Variants in CELSR1 observed in about 807,000 individuals in gnomAD.
CELSR1 encodes adhesion G protein-coupled receptor C1.
CELSR1 carries 110 observed loss-of-function variants against 249.1 expected under a neutral mutation model. That is an observed-to-expected ratio of 0.44 (90% CI 0.38 to 0.52). The LOEUF is 0.52. Among genes scored for constraint, CELSR1 ranks in the 20% least tolerant of loss-of-function variants. The probability of loss-of-function intolerance (pLI) is 0.00; values close to 1 mark genes in which losing one functional copy is unlikely to be tolerated. For missense variants in CELSR1, 4,109 were observed against 4,296.4 expected (o/e 0.96, Z 1.22); for synonymous variants, 2,113 against 1,900.0 (o/e 1.11, Z -2.92).
In CELSR1 at chr22:46,409,075, C is replaced by T. The variant is rs781589579; in HGVS notation, c.5147G>A (p.Gly1716Glu). The T allele has an allele frequency of 6.2e-7, 1 of 1,612,688 alleles. No homozygotes were observed. The highest frequency in any genetic ancestry group is 1.7e-5 in the Admixed American group (1 of 59,950). The change falls in exon 9 of 35, where the codon GGG (glycine) becomes GAG (glutamate). Residue 1716 changes from glycine (G) to glutamate (E), a missense_variant. Gly to Glu is a moderately conservative substitution (Grantham distance 98). This residue lies in a region of CELSR1 where 16 missense variants were observed against 40.1 expected (regional missense o/e 0.40). Transcript: ENST00000674500. This position sits in a 1 kb window ranked among gnomAD's most constrained non-coding sequence, Gnocchi z 9.8. ...NIIISVPWYL[G>E]LMFRTRKEDS... is the part of the protein sequence containing the mutation. Reference sequence around the variant, plus strand: ...CTCCTTCCGGGTCCGGAACATGAGCCCCAGGTACCAGGGCACAGAGATGAT... The same window carrying T: ...CTCCTTCCGGGTCCGGAACATGAGCTCCAGGTACCAGGGCACAGAGATGAT...
intron 18 of CELSR1, among the ~76,000 whole-genome samples, chr22:46,387,831 C>A (rs1052569908): frequency 2.0e-5 from 3 of 152,126 alleles, no homozygotes; most frequent in Non-Finnish European, 4.4e-5. Context: ...TGTGGCGATG[C>A]CCCTGGTTAT....
intron 13 of CELSR1, 109 bp from the exon 14 acceptor site, chr22:46,394,371 G>C (rs554284254): frequency 1.5e-6 from 2 of 1,337,366 alleles, no homozygotes; most frequent in Admixed American, 4.7e-5. Flanking sequence ...GCCTGGCTGG[G>C]TCCAGCTCTG....
intron 2 of CELSR1, among the ~76,000 whole-genome samples, chr22:46,450,316 C>T (rs553118689): frequency 1.5e-4 from 23 of 152,386 alleles, no homozygotes; most frequent in Middle Eastern, 6.8e-3. Context: ...CCCTGCAAGG[C>T]AGGCTGACAT....
In CELSR1 at chr22:46,407,680, G is replaced by A. The variant is rs2079281620; in HGVS notation, c.5226+1316C>T. Among the ~76,000 whole-genome samples the A allele has an allele frequency of 6.8e-6, 1 of 146,834 alleles. No individual in the cohort carries two copies. The highest frequency in any genetic ancestry group is 1.5e-5 in the Non-Finnish European group (1 of 66,232). ...CAAAAAAAACCTAGGATGAAGGAAG[G>A]AATAACTCAGTTATGAATCTGTCAA... On this transcript the variant is annotated intron_variant, in intron 9 of 34. Coordinates refer to ENST00000674500, the MANE Select transcript of CELSR1 (RefSeq NM_001378328.1). The surrounding 1 kb of genome is among the most constrained non-coding windows in gnomAD (Gnocchi z 4.8).
chr22:46,414,867 T>C (rs2079381236), intron 5 of CELSR1, among the ~76,000 whole-genome samples: 2 of 152,144 alleles, frequency 1.3e-5, no homozygotes, highest in South Asian at 4.1e-4. Context: ...TCACAAGAAG[T>C]GGAAACCACC....
rs1257533131 is a variant in CELSR1 at position 46,395,234 on chromosome 22, T to C, written c.5844-972A>G. Among the ~76,000 whole-genome samples, 2 of 152,184 alleles carry C rather than the reference T, an allele frequency of 1.3e-5. No individual in the cohort carries two copies. The highest frequency in any genetic ancestry group is 4.8e-5 in the African/African-American group (2 of 41,454). Reference sequence around the variant, plus strand: ...GCAGTGGTGACTGTGGCGCCGGGCATGGAGATGCTGGATCAGCCTCTTGGC... The same window carrying C: ...GCAGTGGTGACTGTGGCGCCGGGCACGGAGATGCTGGATCAGCCTCTTGGC... On this transcript the variant is annotated intron_variant, in intron 13 of 34. Coordinates refer to ENST00000674500, the MANE Select transcript of CELSR1 (RefSeq NM_001378328.1). The surrounding 1 kb of genome is among the most constrained non-coding windows in gnomAD (Gnocchi z 5.5).
chr22:46,504,264 A>G (rs893750927), intron 1 of CELSR1, among the ~76,000 whole-genome samples: 11 of 152,196 alleles, frequency 7.2e-5, no homozygotes, highest in Non-Finnish European at 1.2e-4. Context: ...CTATAATCCC[A>G]GCACTTTGGG....
Position 46,391,207 on chromosome 22 carries a change from G to T in CELSR1, c.6229C>A (p.Pro2077Thr). 1 of 1,613,218 alleles carries T rather than the reference G, an allele frequency of 6.2e-7. No homozygotes were observed. Among genetic ancestry groups the T allele is most frequent in the Admixed American group, 1.7e-5 (1 of 60,020 alleles). Residue 2077 changes from proline (P) to threonine (T), a missense_variant, in exon 16 of 35, where the codon CCA (proline) becomes ACA (threonine). Physicochemically the swap from Pro to Thr is conservative, Grantham distance 38. Around this residue, in one of 7 missense-constraint regions of CELSR1, gnomAD observed 1,805 missense variants for 1,831.6 expected, o/e 0.99. Transcript: ENST00000674500. The surrounding 1 kb of genome is among the most constrained non-coding windows in gnomAD (Gnocchi z 4.3). ...QTKFGQPAAV[P>T]CPKGSVGNAV... The stretch of plus-strand genomic sequence containing the variant: ...TCACCAACGGATCCCTTAGGGCATG[G>T]CACCGCAGCCGGCTGCCCGAACTTG...
rs901222829 is a variant in CELSR1, at chr22:46,409,017, C to T, written c.5205G>A (p.Gly1735=). ...DSVLMEATSG[G]PTSFRLQILN... ...TCACCTGGAGGCGAAAGCTGGTGGG[C>T]CCACCACTGGTGGCCTCCATCAGAA... The change falls in exon 9 of 35, where the codon GGG becomes GGA. Residue 1735 remains glycine, a synonymous_variant. Coordinates refer to ENST00000674500, the MANE Select transcript of CELSR1 (RefSeq NM_001378328.1). The surrounding 1 kb of genome is among the most constrained non-coding windows in gnomAD (Gnocchi z 9.8). The T allele has an allele frequency of 9.9e-6, 16 of 1,610,406 alleles. No homozygotes were observed. Among genetic ancestry groups the T allele is most frequent in the African/African-American group, 1.3e-5 (1 of 74,820 alleles).
At chr22:46,455,685 G>C (rs565858815) in intron 2 of CELSR1, among the ~76,000 whole-genome samples, 3 of 152,306 alleles carry the variant, frequency 2.0e-5, no homozygotes, top group East Asian at 3.9e-4. Context: ...GGAAGCCGGA[G>C]GAGGACTGCA....
At chr22:46,474,831 C>T (rs1333206125) in intron 1 of CELSR1, among the ~76,000 whole-genome samples, 2 of 124,842 alleles carry the variant, frequency 1.6e-5, no homozygotes, top group Non-Finnish European at 1.6e-5. Context: ...CTCTGTCATC[C>T]ACCCTGAACT....
chr22:46,451,208 C>T (rs968225589), intron 2 of CELSR1, among the ~76,000 whole-genome samples: 1 of 152,290 alleles, frequency 6.6e-6, no homozygotes, highest in South Asian at 2.1e-4. Flanking sequence ...CAGCCCTGCC[C>T]CACCTGGCAA....
At chr22:46,457,629 G>A (rs569806214) in intron 2 of CELSR1, among the ~76,000 whole-genome samples, 5 of 152,326 alleles carry the variant, frequency 3.3e-5, no homozygotes, top group South Asian at 4.1e-4. Context: ...CAAATCACCC[G>A]CTCACAGCGC....
chr22:46,404,980 A>T (rs1186961363), intron 9 of CELSR1, among the ~76,000 whole-genome samples: 1 of 151,038 alleles, frequency 6.6e-6, no homozygotes, highest in Non-Finnish European at 1.5e-5. Context: ...ATGCACCACC[A>T]CACCCAGCTA....
chr22:46,522,052 G>A (rs984406722), intron 1 of CELSR1, among the ~76,000 whole-genome samples: 2 of 152,160 alleles, frequency 1.3e-5, no homozygotes, highest in Admixed American at 6.5e-5. Flanking sequence ...TGGGTATGAA[G>A]TAGCATCTCC....
intron 2 of CELSR1, among the ~76,000 whole-genome samples, chr22:46,450,088 CG>C (rs913069059): frequency 3.4e-4 from 52 of 152,376 alleles, no homozygotes; most frequent in African/African-American, 1.2e-3. Flanking sequence ...AGGCCCCCAC[CG>C]GAGATAGGAG....
At chr22:46,387,766 AGCCCTGCCAGGG>A (rs2079047893) in intron 18 of CELSR1, among the ~76,000 whole-genome samples, 1 of 152,168 alleles carries the variant, frequency 6.6e-6, no homozygotes, top group Admixed American at 6.5e-5. Context: ...TGGCAGAGTG[AGCCCTGCCAGGG>A]GTTTTTCCAC....
chr22:46,514,402 G>A (rs773034003), intron 1 of CELSR1, among the ~76,000 whole-genome samples: 22 of 152,136 alleles, frequency 1.4e-4, no homozygotes, highest in Non-Finnish European at 1.9e-4. Flanking sequence ...AGGCCCCGAC[G>A]GTCCATCCAG....
rs542824566 is a variant in CELSR1 at position 46,408,676 on chromosome 22, G to A, written c.5226+320C>T. Among the ~76,000 whole-genome samples, 96 of 152,298 alleles carry A rather than the reference G, an allele frequency of 6.3e-4. No homozygotes were observed. The highest frequency in any genetic ancestry group is 8.3e-4 in the South Asian group (4 of 4,834). Reference sequence around the variant, plus strand: ...TTAACTGGTGAGGCTCACTGTTTCCGCCTGAAGGCTCGGCACCTCCCTCAG... The same window carrying A: ...TTAACTGGTGAGGCTCACTGTTTCCACCTGAAGGCTCGGCACCTCCCTCAG... On this transcript the variant is annotated intron_variant, in intron 9 of 34. Transcript: ENST00000674500. This position sits in a 1 kb window ranked among gnomAD's most constrained non-coding sequence, Gnocchi z 4.6.
Sources: allele counts gnomAD v4.1 joint callset (sites outside exome capture counted in the v4.1 genomes callset), GRCh38; gene constraint gnomAD v4.1.1; regional missense constraint gnomAD v4.1.1; non-coding constraint Gnocchi (gnomAD v3.1); transcripts MANE v1.5; gene names NCBI Gene and HGNC (gene_info 2026-07-23, HGNC 2026-07-21).